TBCK: variants seen among roughly 807,000 people sequenced by gnomAD.
TBCK encodes TBC domain-containing protein kinase-like protein.
In TBCK, 99 loss-of-function variants were observed where a neutral mutation model predicts 113.4. The ratio of observed to expected loss-of-function variants is 0.87; its 90% CI spans 0.74 to 1.03. TBCK has a LOEUF of 1.03. TBCK is among the 50% of genes least tolerant of loss of function. The pLI is 0.00. For missense variants in TBCK, 1,045 were observed against 1,061.3 expected, an observed-to-expected ratio of 0.98 and a Z score of 0.21; for synonymous variants, 369 against 370.8, an observed-to-expected ratio of 1.00 and a Z score of 0.05.
intron 25 of TBCK, 125 bp downstream of exon 25, chr4:106,095,357 C>A (rs1740776227): frequency 9.7e-6 from 8 of 828,742 alleles, no homozygotes; most frequent in Non-Finnish European, 1.4e-5. Context: ...AGAACACAGA[C>A]AAATCTTCAA....
chr4:106,233,337 C>A (rs1759082293), intron 16 of TBCK, among the ~76,000 whole-genome samples: 1 of 151,926 alleles, frequency 6.6e-6, no homozygotes, highest in South Asian at 2.1e-4. Flanking sequence ...CCTTTATAAT[C>A]TGGTCCAAAT....
intron 25 of TBCK, among the ~76,000 whole-genome samples, chr4:106,067,578 G>A (rs1295817619): frequency 6.6e-6 from 1 of 151,970 alleles, no homozygotes; most frequent in African/African-American, 2.4e-5. Context: ...CAAATCCAAG[G>A]TTATGAAGAT....
At chr4:106,206,864 A>G (rs750248894) in intron 20 of TBCK, among the ~76,000 whole-genome samples, 1 of 152,196 alleles carries the variant, frequency 6.6e-6, no homozygotes, top group Non-Finnish European at 1.5e-5. Flanking sequence ...CCAGCATATC[A>G]TGGAATTTGT....
chr4:106,312,847 T>C (rs898590741), intron 1 of TBCK, among the ~76,000 whole-genome samples: 7 of 152,160 alleles, frequency 4.6e-5, no homozygotes, highest in Non-Finnish European at 1.0e-4. Flanking sequence ...TATGACTCCA[T>C]TTAAATGTAA....
Position 106,137,347 on chromosome 4 carries a change from G to C in TBCK, c.2236-20969C>G, listed in dbSNP as rs993830853. Among the ~76,000 whole-genome samples, 4 of 139,948 alleles carry C rather than the reference G, an allele frequency of 2.9e-5. 1 individual carries two copies. The highest frequency in any genetic ancestry group is 1.0e-4 in the African/African-American group (4 of 39,704). 91.8% of individuals were successfully genotyped at this position (139,948 alleles called of 152,430 possible). A position where few individuals can be genotyped will look rare whatever the true frequency, so the allele number is the denominator to read the frequency against. On this transcript the variant is annotated intron_variant, in intron 23 of 25. Transcript: ENST00000394708. ...TAAAAACATAAATTTGAGATTTTTA[G>C]GGTAATATTAATCAATTCTCATTTT...
At chr4:106,276,080 T>C (rs1001469983) in intron 3 of TBCK, among the ~76,000 whole-genome samples, 5 of 152,024 alleles carry the variant, frequency 3.3e-5, no homozygotes, top group African/African-American at 1.2e-4. Context: ...AATAGAGCAA[T>C]GAAATAATAC....
chr4:106,164,887 T>C (rs59305790), intron 23 of TBCK, among the ~76,000 whole-genome samples: 6,861 of 151,786 alleles, frequency 0.045, 516 homozygotes, highest in African/African-American at 0.15. Flanking sequence ...TCATGTTTAA[T>C]CTATACTGAA....
intron 19 of TBCK, among the ~76,000 whole-genome samples, chr4:106,214,881 C>G (rs13121001): frequency 6.6e-6 from 1 of 151,564 alleles, no homozygotes; most frequent in Admixed American, 6.6e-5. Flanking sequence ...AAAGATACTC[C>G]TTGAGAAGAG....
intron 24 of TBCK, among the ~76,000 whole-genome samples, chr4:106,111,729 C>A (rs1742881345): frequency 2.0e-5 from 3 of 152,190 alleles, no homozygotes; most frequent in Admixed American, 2.0e-4. Flanking sequence ...TGGAAAAGTA[C>A]AGATGTCTTT....
intron 21 of TBCK, 40 bp downstream of exon 21, chr4:106,194,678 C>T: frequency 6.5e-7 from 1 of 1,539,432 alleles, no homozygotes; most frequent in South Asian, 1.2e-5. Flanking sequence ...TGTCCTTTTG[C>T]TAATACAATA....
At chr4:106,302,382 A>C (rs1767040593) in intron 2 of TBCK, among the ~76,000 whole-genome samples, 1 of 152,196 alleles carries the variant, frequency 6.6e-6, no homozygotes, top group Non-Finnish European at 1.5e-5. Flanking sequence ...ATAATCAAAA[A>C]GAAGGTTCAC....
intron 9 of TBCK, 153 bp from the exon 10 acceptor site, chr4:106,247,440 T>G: frequency 1.6e-6 from 1 of 616,614 alleles, no homozygotes; most frequent in Non-Finnish European, 2.7e-6. Context: ...GATGCATACT[T>G]TTATATTATA....
In TBCK at chr4:106,315,990, GC is replaced by G. The variant is rs1768802842; in HGVS notation, c.-90del. 6.5e-6 allele frequency: 1 copy of G among 152,834 alleles called. No individual in the cohort carries two copies. Among genetic ancestry groups the G allele is most frequent in the Non-Finnish European group, 1.5e-5 (1 of 68,396 alleles). The allele number at this position is 152,834 out of a possible 1,614,324, so 9.5% of individuals were successfully genotyped here. A position where few individuals can be genotyped will look rare whatever the true frequency, so the allele number is the denominator to read the frequency against. On this transcript the variant is annotated 5_prime_UTR_variant, in exon 1 of 26. Transcript: ENST00000394708. The stretch of plus-strand genomic sequence containing the variant: ...AAGGGGGATGGAGCTTCTACACAGG[GC>G]CCCAGCGCTGTCGCTGTGGCTGCTG...
At chr4:106,162,580 T>C (rs1469807303) in intron 23 of TBCK, among the ~76,000 whole-genome samples, 1 of 152,122 alleles carries the variant, frequency 6.6e-6, no homozygotes, top group Non-Finnish European at 1.5e-5. Flanking sequence ...GGCATTTCCA[T>C]ACATCCTCCG....
chr4:106,212,704 C>CA (rs761358798), intron 20 of TBCK, 46 bp downstream of exon 20: 463 of 1,107,324 alleles, frequency 4.2e-4, no homozygotes, highest in Non-Finnish European at 5.5e-4. Flanking sequence ...ATAATTTCTG[C>CA]TTTTTTTTTT....
intron 3 of TBCK, among the ~76,000 whole-genome samples, chr4:106,267,848 T>C (rs926814418): frequency 2.0e-5 from 3 of 152,006 alleles, no homozygotes; most frequent in African/African-American, 7.2e-5. Flanking sequence ...CCATAAATCA[T>C]CTCTAGTTGT....
At chr4:106,298,627 A>G (rs72660522) in intron 2 of TBCK, among the ~76,000 whole-genome samples, 11,639 of 152,084 alleles carry the variant, frequency 0.077, 507 homozygotes, top group Middle Eastern at 0.18. Context: ...AACAAAAAAA[A>G]GAAGACGAAA....
chr4:106,129,450 A>G lies in TBCK; in HGVS notation c.2236-13072T>C, dbSNP rs1254813707. Among the ~76,000 whole-genome samples the G allele has an allele frequency of 5.9e-5, 9 of 152,212 alleles. No homozygotes were observed. In the East Asian group the frequency reaches 1.7e-3, roughly 29 times the overall value. On this transcript the variant is annotated intron_variant, in intron 23 of 25. Transcript: ENST00000394708. ...ATAATGGCTTACAGCTAGATGAAGC[A>G]CTTCTTAAGTATAAAGAAATGAAAT...
intron 19 of TBCK, among the ~76,000 whole-genome samples, chr4:106,216,542 C>A (rs1579277139): frequency 6.6e-6 from 1 of 151,746 alleles, no homozygotes; most frequent in African/African-American, 2.4e-5. Context: ...GATATCACCA[C>A]CGATCCCACA....
Sources: allele counts gnomAD v4.1 joint callset (sites outside exome capture counted in the v4.1 genomes callset), GRCh38; gene constraint gnomAD v4.1.1; transcripts MANE v1.5; gene names NCBI Gene and HGNC (gene_info 2026-07-23, HGNC 2026-07-21).